The following ALG6 variants were observed in gnomAD, a reference collection of about 807,000 sequenced individuals.
ALG6 encodes ALG6 alpha-1,3-glucosyltransferase, also known as dolichyl pyrophosphate Man9GlcNAc2 alpha-1,3-glucosyltransferase.
A neutral mutation model predicts 66.6 loss-of-function variants in ALG6; 46 were observed. That is an observed-to-expected ratio of 0.69 (90% CI 0.55 to 0.88). The LOEUF (loss-of-function observed/expected upper bound fraction) is 0.88. ALG6 is among the 40% of genes least tolerant of loss of function. The pLI, the probability that ALG6 is intolerant of heterozygous loss-of-function variation, is 0.00. For synonymous variants in ALG6, 185 were observed against 203.7 expected (o/e 0.91, Z 0.78); for missense variants, 505 against 586.8 (o/e 0.86, Z 1.44).
In ALG6 at chr1:63,399,055, A is replaced by G. The variant is rs141164512; in HGVS notation, c.167+2458A>G. Among the ~76,000 whole-genome samples the G allele has an allele frequency of 3.5e-3, 528 of 152,244 alleles. 3 individuals are homozygous for G. The highest frequency in any genetic ancestry group is 0.011 in the African/African-American group (468 of 41,540). On this transcript the variant is annotated intron_variant, in intron 3 of 14. Coordinates refer to ENST00000263440, the MANE Select transcript of ALG6 (RefSeq NM_013339.4). ...GGGCTGCAGACTTATCAGAGGCTCA[A>G]ATGGAGAAGGATCCATTTCCAAGTT...
Position 63,437,117 on chromosome 1 carries a change from C to A in ALG6, c.*97C>A. On this transcript the variant is annotated 3_prime_UTR_variant, in exon 15 of 15. Coordinates refer to ENST00000263440, the MANE Select transcript of ALG6 (RefSeq NM_013339.4). ...TTTTGCTATGTATAAATGAAATTACCATTTTGAGAACCATGGAACCACAGG... is the reference window on the plus strand; with the variant it reads ...TTTTGCTATGTATAAATGAAATTACAATTTTGAGAACCATGGAACCACAGG... The A allele has an allele frequency of 9.3e-7, 1 of 1,077,256 alleles. No homozygotes were observed. The highest frequency in any genetic ancestry group is 1.4e-6 in the Non-Finnish European group (1 of 732,734). The allele number at this position is 1,077,256 out of a possible 1,614,324, so 66.7% of individuals were successfully genotyped here. A position where few individuals can be genotyped will look rare whatever the true frequency, so the allele number is the denominator to read the frequency against.
intron 1 of ALG6, among the ~76,000 whole-genome samples, chr1:63,370,427 G>A (rs1304545277): frequency 6.6e-6 from 1 of 152,202 alleles, no homozygotes; most frequent in African/African-American, 2.4e-5. Context: ...GTCTACGGTT[G>A]TGGTTTTATA....
intron 12 of ALG6, chr1:63,428,385 T>C (rs1359276842): frequency 1.1e-5 from 2 of 184,438 alleles, no homozygotes; most frequent in Non-Finnish European, 2.2e-5. Context: ...TGGGAATTCA[T>C]ATTTACCAAG....
intron 12 of ALG6, among the ~76,000 whole-genome samples, chr1:63,422,159 A>T (rs1644579001): frequency 8.9e-6 from 1 of 112,296 alleles, no homozygotes; most frequent in Non-Finnish European, 1.7e-5. Context: ...ATATAAATAT[A>T]TATATAACTA....
intron 2 of ALG6, among the ~76,000 whole-genome samples, chr1:63,380,055 T>TA: frequency 6.6e-6 from 1 of 151,738 alleles, no homozygotes; most frequent in East Asian, 2.0e-4. Context: ...ATTTAACCAC[T>TA]AATCATCTCC....
At chr1:63,398,489 T>C (rs1023195253) in intron 3 of ALG6, among the ~76,000 whole-genome samples, 16 of 152,240 alleles carry the variant, frequency 1.1e-4, no homozygotes, top group African/African-American at 3.9e-4. Flanking sequence ...TTTCTTTTTT[T>C]TGAGACGGAG....
In ALG6 at chr1:63,415,993, C is replaced by G. The variant is rs143618025; in HGVS notation, c.987+36C>G. 2.9e-6 allele frequency: 4 copies of G among 1,384,914 alleles called. No homozygotes were observed. In the African/African-American group the frequency reaches 5.7e-5, roughly 20 times the overall value. The allele number at this position is 1,384,914 out of a possible 1,614,324, so 85.8% of individuals were successfully genotyped here. A position where few individuals can be genotyped will look rare whatever the true frequency, so the allele number is the denominator to read the frequency against. ...CATTACTTTAGATACTTAATTCTTG[C>G]CACAACTGATCTTTTAAAAATTATT... is the stretch of plus-strand genomic sequence containing the variant. On this transcript the variant is annotated intron_variant, in intron 11 of 14. Coordinates refer to ENST00000263440, the MANE Select transcript of ALG6 (RefSeq NM_013339.4).
chr1:63,398,666 A>G (rs375268748), intron 3 of ALG6, among the ~76,000 whole-genome samples: 343 of 151,954 alleles, frequency 2.3e-3, no homozygotes, highest in African/African-American at 8.0e-3. Flanking sequence ...TAGTAGAGAC[A>G]GGGTTTCACC....
rs1037250299 is a variant in ALG6, at chr1:63,432,920, T to C, written c.1326+3794T>C. 2.6e-5 allele frequency among the ~76,000 whole-genome samples: 4 copies of C among 152,224 alleles called. No individual in the cohort carries two copies. In the East Asian group the frequency reaches 7.7e-4, roughly 29 times the overall value. On this transcript the variant is annotated intron_variant, in intron 14 of 14. Coordinates refer to ENST00000263440, the MANE Select transcript of ALG6 (RefSeq NM_013339.4). ...TAGCTAGGATTATAGGCATGCACCA[T>C]CATGCTTGCCTAATTTTTATTTTTT... is the stretch of plus-strand genomic sequence containing the variant.
intron 12 of ALG6, among the ~76,000 whole-genome samples, chr1:63,422,381 A>AGG: frequency 1.9e-5 from 2 of 104,580 alleles, no homozygotes; most frequent in African/African-American, 7.8e-5. Context: ...ATATAAGTAT[A>AGG]AATATATATA....
At chr1:63,379,547 C>T (rs10749739) in intron 2 of ALG6, among the ~76,000 whole-genome samples, 101,394 of 151,828 alleles carry the variant, frequency 0.67, 34,908 homozygotes, top group East Asian at 0.85. Flanking sequence ...ACTGACTGCA[C>T]AGGGCTCCTG....
rs1445578956 is a variant in ALG6 at position 63,433,965 on chromosome 1, A to C, written c.1327-2858A>C. ...TTGAGCAAAGAACCAAAGGAAGTAA[A>C]CTGCAGATAATTGAGGGTAGAACAT... is the stretch of plus-strand genomic sequence containing the variant. On this transcript the variant is annotated intron_variant, in intron 14 of 14. Transcript: ENST00000263440. This position sits in a 1 kb window ranked among gnomAD's most constrained non-coding sequence, Gnocchi z 4.2. Among the ~76,000 whole-genome samples the C allele has an allele frequency of 6.6e-6, 1 of 152,212 alleles. No individual in the cohort carries two copies. Among genetic ancestry groups the C allele is most frequent in the Non-Finnish European group, 1.5e-5 (1 of 68,026 alleles).
At position 63,433,849 on chromosome 1, in the gene ALG6, G is replaced by GTGA. The variant is rs1644661412; in HGVS notation, c.1327-2972_1327-2970dup. Among the ~76,000 whole-genome samples, 1 of 152,306 alleles carries GTGA rather than the reference G, an allele frequency of 6.6e-6. No homozygotes were observed. On this transcript the variant is annotated intron_variant, in intron 14 of 14. Transcript: ENST00000263440. The surrounding 1 kb of genome is among the most constrained non-coding windows in gnomAD (Gnocchi z 4.2). ...TGTAAAATATATGGCATGTCAGAGGGTGATAAGTGCTATGGAGAACAACAA... is the reference window on the plus strand; with the variant it reads ...TGTAAAATATATGGCATGTCAGAGGGTGATGATAAGTGCTATGGAGAACAACAA...
At chr1:63,422,242 TAAATATATATA>T (rs1644584116) in intron 12 of ALG6, among the ~76,000 whole-genome samples, 1 of 116,680 alleles carries the variant, frequency 8.6e-6, no homozygotes, top group African/African-American at 3.4e-5. Context: ...AATATATATA[TAAATATATATA>T]TTTATATAGA....
intron 14 of ALG6, among the ~76,000 whole-genome samples, chr1:63,435,851 C>T (rs933574032): frequency 8.5e-5 from 13 of 152,186 alleles, no homozygotes; most frequent in Non-Finnish European, 1.5e-5. Context: ...ATTTTCATTA[C>T]TGCAGGAAGT....
intron 12 of ALG6, among the ~76,000 whole-genome samples, chr1:63,422,172 A>T (rs1215173017): frequency 1.2e-5 from 1 of 84,918 alleles, no homozygotes; most frequent in Non-Finnish European, 2.2e-5. Flanking sequence ...TATAACTATG[A>T]ATTTATATTT....
intron 3 of ALG6, among the ~76,000 whole-genome samples, chr1:63,399,785 C>T (rs1264326271): frequency 6.6e-6 from 1 of 151,878 alleles, no homozygotes; most frequent in Non-Finnish European, 1.5e-5. Context: ...TTTTATAATT[C>T]GTGTGGCAGC....
intron 7 of ALG6, 94 bp from the exon 8 acceptor site, chr1:63,411,052 G>C (rs1365518438): frequency 1.6e-6 from 2 of 1,218,528 alleles, no homozygotes; most frequent in Admixed American, 4.0e-5. Flanking sequence ...CTATGAGCTT[G>C]CATTTCCTAG....
At chr1:63,419,105 T>C (rs1225329311) in intron 11 of ALG6, among the ~76,000 whole-genome samples, 1 of 152,174 alleles carries the variant, frequency 6.6e-6, no homozygotes. Context: ...CTGAGGTATT[T>C]ACTAGTTCTG....
Sources: allele counts gnomAD v4.1 joint callset (sites outside exome capture counted in the v4.1 genomes callset), GRCh38; gene constraint gnomAD v4.1.1; non-coding constraint Gnocchi (gnomAD v3.1); transcripts MANE v1.5; gene names NCBI Gene and HGNC (gene_info 2026-07-23, HGNC 2026-07-21).